Variants in CSMD3 observed in about 807,000 individuals in gnomAD.
CSMD3 encodes CUB and sushi domain-containing protein 3.
CSMD3 carries 177 observed loss-of-function variants against 435.2 expected under a neutral mutation model. The observed-to-expected ratio is 0.41, with a 90% CI of 0.36 to 0.46. CSMD3 has a LOEUF of 0.46. Among genes scored for constraint, CSMD3 ranks in the 20% least tolerant of loss-of-function variants. The pLI is 0.34. For missense variants in CSMD3, 4,265 were observed against 4,504.6 expected, an observed-to-expected ratio of 0.95 and a Z score of 1.52; for synonymous variants, 1,656 against 1,520.5, an observed-to-expected ratio of 1.09 and a Z score of -2.07.
intron 35 of CSMD3, among the ~76,000 whole-genome samples, chr8:112,392,664 T>A (rs1488378470): frequency 7.0e-6 from 1 of 143,432 alleles, no homozygotes; most frequent in East Asian, 2.0e-4. Flanking sequence ...TCATACGTAC[T>A]TTTTTTTTTT....
intron 36 of CSMD3, among the ~76,000 whole-genome samples, chr8:112,386,341 T>C (rs1829947761): frequency 6.6e-6 from 1 of 152,138 alleles, no homozygotes; most frequent in Admixed American, 6.6e-5. Flanking sequence ...GGATTCGAGG[T>C]ACATTGTGAA....
intron 53 of CSMD3, among the ~76,000 whole-genome samples, chr8:112,297,860 C>T (rs1015939957): frequency 4.0e-5 from 6 of 151,828 alleles, no homozygotes; most frequent in African/African-American, 1.5e-4. Flanking sequence ...GTGGCTTATG[C>T]CTATAATTCC....
chr8:113,292,668 T>A (rs1235040488), intron 2 of CSMD3, among the ~76,000 whole-genome samples: 7 of 151,840 alleles, frequency 4.6e-5, no homozygotes, highest in Admixed American at 2.6e-4. Flanking sequence ...TGAGGTAACA[T>A]ATGAGATGGC....
At chr8:112,297,111 A>AT (rs546948195) in intron 53 of CSMD3, among the ~76,000 whole-genome samples, 10,028 of 146,680 alleles carry the variant, frequency 0.068, 487 homozygotes, top group African/African-American at 0.13. Context: ...CTTCCCACGG[A>AT]TTTTTTTTTT....
rs755170260 is a variant in CSMD3 at position 112,921,730 on chromosome 8, G to T, written c.1530C>A (p.Phe510Leu). 5.5e-5 allele frequency: 88 copies of T among 1,609,338 alleles called. No homozygotes were observed. The highest frequency in any genetic ancestry group is 3.3e-5 in the Admixed American group (2 of 59,858). ...GTAGGACATAATCTTCATCACAAGA[G>T]AACTGCACAGTTGATCCAAGGCTAA... ...SDFSLGSTVQ[F>L]SCDEDYVLQG... Residue 510 changes from phenylalanine (F) to leucine (L), a missense_variant, in exon 10 of 71, where the codon TTC becomes TTA. Phe to Leu is a conservative substitution (Grantham distance 22). Coordinates refer to ENST00000297405, the MANE Select transcript of CSMD3 (RefSeq NM_198123.2).
intron 32 of CSMD3, among the ~76,000 whole-genome samples, chr8:112,434,173 C>G (rs181836813): frequency 6.6e-6 from 1 of 152,150 alleles, no homozygotes; most frequent in East Asian, 1.9e-4. Context: ...TGCAAACTCA[C>G]CACTAAGATT....
intron 30 of CSMD3, 24 bp from the exon 31 acceptor site, chr8:112,492,707 A>G: frequency 6.3e-7 from 1 of 1,594,854 alleles, no homozygotes. Flanking sequence ...TTAGTATAAC[A>G]TTAATTGCTT....
At chr8:113,105,476 A>C (rs1356094618) in intron 4 of CSMD3, among the ~76,000 whole-genome samples, 1 of 152,146 alleles carries the variant, frequency 6.6e-6, no homozygotes, top group Non-Finnish European at 1.5e-5. Flanking sequence ...AAAGATTTAC[A>C]TTAGATTCTC....
At chr8:112,260,513 A>C (rs1816277792) in intron 61 of CSMD3, among the ~76,000 whole-genome samples, 2 of 152,172 alleles carry the variant, frequency 1.3e-5, no homozygotes, top group Admixed American at 6.6e-5. Context: ...ATATTTTATT[A>C]CTATTTGTAT....
At chr8:113,388,932 G>A (rs926961819) in intron 1 of CSMD3, among the ~76,000 whole-genome samples, 5 of 151,488 alleles carry the variant, frequency 3.3e-5, no homozygotes, top group Admixed American at 1.3e-4. Flanking sequence ...GTGTAAGAGC[G>A]CTGGAAGTTT....
chr8:112,228,329 CAGTT>C, intron 70 of CSMD3, among the ~76,000 whole-genome samples: 1 of 152,242 alleles, frequency 6.6e-6, no homozygotes, highest in African/African-American at 2.4e-5. Context: ...TGGGTAAAAT[CAGTT>C]AGTATTTTTG....
intron 5 of CSMD3, among the ~76,000 whole-genome samples, chr8:113,062,188 G>T (rs2088645203): frequency 6.6e-6 from 1 of 151,586 alleles, no homozygotes; most frequent in African/African-American, 2.4e-5. Flanking sequence ...ATTCAAATTG[G>T]TTTTTGTACA....
At chr8:112,753,837 A>G (rs2077629226) in intron 13 of CSMD3, among the ~76,000 whole-genome samples, 1 of 152,216 alleles carries the variant, frequency 6.6e-6, no homozygotes, top group Admixed American at 6.5e-5. Context: ...CTAACTTCCT[A>G]TCCCAACTTT....
At chr8:112,550,597 G>T in intron 27 of CSMD3, 74 bp downstream of exon 27, 1 of 766,102 alleles carries the variant, frequency 1.3e-6, no homozygotes, top group Non-Finnish European at 2.2e-6. Flanking sequence ...TTAAAATTTT[G>T]AACAGTAAAG....
intron 32 of CSMD3, among the ~76,000 whole-genome samples, chr8:112,418,991 A>T (rs1812196208): frequency 6.6e-6 from 1 of 152,192 alleles, no homozygotes; most frequent in Non-Finnish European, 1.5e-5. Context: ...ATTCCCCAAT[A>T]TCTCATTATG....
Position 113,436,817 on chromosome 8 carries a change from TC to T in CSMD3, c.37del (p.Glu13AsnfsTer18), listed in dbSNP as rs772866003. On this transcript the variant is annotated frameshift_variant, in exon 1 of 71. Coordinates refer to ENST00000297405, the MANE Select transcript of CSMD3 (RefSeq NM_198123.2). LOFTEE classifies it high-confidence loss of function. ...CTTGCCAGGCTCCCAGGGTTTGGAT[TC>T]CTTTGCTCGGCTTTCCCCTTTGCGG... Reference protein sequence around the residue: ...GIRKGESRAKESKPWEPGKRR... With the variant: ...GIRKGESRAKXSKPWEPGKRR... 3.1e-6 allele frequency: 5 copies of T among 1,614,168 alleles called. No individual in the cohort carries two copies. Among genetic ancestry groups the T allele is most frequent in the Non-Finnish European group, 4.2e-6 (5 of 1,180,038 alleles).
At chr8:112,320,505 T>TA (rs1379600618) in intron 45 of CSMD3, among the ~76,000 whole-genome samples, 1 of 151,820 alleles carries the variant, frequency 6.6e-6, no homozygotes, top group African/African-American at 2.4e-5. Context: ...TCTTTTTTTT[T>TA]ATACTTTAAG....
At chr8:113,390,038 A>G (rs1474963021) in intron 1 of CSMD3, among the ~76,000 whole-genome samples, 4 of 151,914 alleles carry the variant, frequency 2.6e-5, no homozygotes, top group Admixed American at 6.6e-5. Context: ...ATTATTGCCC[A>G]GGTTATTTTA....
intron 10 of CSMD3, among the ~76,000 whole-genome samples, chr8:112,918,797 A>T (rs1056217043): frequency 2.0e-5 from 3 of 151,924 alleles, no homozygotes; most frequent in Non-Finnish European, 2.9e-5. Context: ...TCCCTTTAAA[A>T]ATCACCATTT....
Sources: allele counts gnomAD v4.1 joint callset (sites outside exome capture counted in the v4.1 genomes callset), GRCh38; gene constraint gnomAD v4.1.1; transcripts MANE v1.5; gene names NCBI Gene and HGNC (gene_info 2026-07-23, HGNC 2026-07-21).